AKAP9: variants seen among roughly 807,000 people sequenced by gnomAD.
AKAP9 encodes the protein A-kinase anchor protein 9.
Under a neutral mutation model 488.5 loss-of-function variants are expected in AKAP9, and 311 were observed. That is an observed-to-expected ratio of 0.64 (90% CI 0.58 to 0.70). The LOEUF (loss-of-function observed/expected upper bound fraction) is 0.70, where lower values mean the gene tolerates loss of function less well. AKAP9 is among the 30% of genes least tolerant of loss of function. AKAP9 has a pLI of 0.00. For missense variants in AKAP9, 4,215 were observed against 4,374.5 expected (o/e 0.96, Z 1.03); for synonymous variants, 1,462 against 1,483.5 (o/e 0.99, Z 0.33).
intron 14 of AKAP9, among the ~76,000 whole-genome samples, chr7:92,025,610 C>G (rs1405283345): frequency 6.6e-6 from 1 of 152,110 alleles, no homozygotes; most frequent in African/African-American, 2.4e-5. Flanking sequence ...TACTAGAAAC[C>G]TCTAAGAGAA....
rs1318416079 is a variant in AKAP9, at chr7:92,098,091, T to C, written c.10608-18T>C. ...CAATTGAGAAGGTATGTTTTGACTT[T>C]TTGTCTTTTTCTTGAAGACTACAGT... On this transcript the variant is annotated intron_variant, in intron 42 of 49. Coordinates refer to ENST00000356239, the MANE Select transcript of AKAP9 (RefSeq NM_005751.5). The C allele has an allele frequency of 6.5e-7, 1 of 1,547,762 alleles. No individual in the cohort carries two copies. Among genetic ancestry groups the C allele is most frequent in the Admixed American group, 1.7e-5 (1 of 59,872 alleles).
intron 3 of AKAP9, among the ~76,000 whole-genome samples, chr7:91,989,114 T>C (rs1797461407): frequency 1.4e-5 from 2 of 145,234 alleles, no homozygotes; most frequent in South Asian, 4.5e-4. Context: ...ACTACATTTA[T>C]ATGAAATGAG....
chr7:92,062,285 G>GATAAGA lies in AKAP9; in HGVS notation c.5776_5777insATAAGA (p.Gly1926delinsAspLysSer), dbSNP rs765583993. 2 of 1,612,066 alleles carry GATAAGA rather than the reference G, an allele frequency of 1.2e-6. No individual in the cohort carries two copies. Among genetic ancestry groups the GATAAGA allele is most frequent in the African/African-American group, 2.7e-5 (2 of 74,830 alleles). ...ATTTTGTATTATAGGCGTCATTGAT[G>GATAAGA]GCTATGCAGATGAAAAAACTCTTTT... On this transcript the variant is annotated protein_altering_variant, in exon 24 of 50. Coordinates refer to ENST00000356239, the MANE Select transcript of AKAP9 (RefSeq NM_005751.5).
In AKAP9 at chr7:92,001,825, G is replaced by A; in HGVS notation, c.1908G>A (p.Glu636=). The A allele has an allele frequency of 6.2e-7, 1 of 1,613,438 alleles. No homozygotes were observed. Among genetic ancestry groups the A allele is most frequent in the East Asian group, 2.2e-5 (1 of 44,822 alleles). Residue 636 remains glutamate (E), a synonymous_variant, in exon 8 of 50, where the codon GAG becomes GAA. Coordinates refer to ENST00000356239, the MANE Select transcript of AKAP9 (RefSeq NM_005751.5). ...RTQLLFSHEE[E]LSKLKEDLEI... is the part of the protein sequence containing the mutation. Reference sequence around the variant, plus strand: ...AGCTTCTATTTAGTCACGAAGAAGAGCTTTCCAAACTGAAGGAAGATTTAG... The same window carrying A: ...AGCTTCTATTTAGTCACGAAGAAGAACTTTCCAAACTGAAGGAAGATTTAG...
chr7:91,945,078 T>A (rs1424955323), intron 1 of AKAP9, among the ~76,000 whole-genome samples: 2 of 152,104 alleles, frequency 1.3e-5, no homozygotes, highest in Non-Finnish European at 2.9e-5. Flanking sequence ...AACAAAGACC[T>A]TAGGCGGGGT....
chr7:91,986,540 A>G (rs2130614289), intron 3 of AKAP9, among the ~76,000 whole-genome samples: 2 of 152,322 alleles, frequency 1.3e-5, no homozygotes, highest in South Asian at 4.1e-4. Flanking sequence ...ACGGATCCTC[A>G]CAAATTTTAA....
chr7:91,969,729 G>A (rs547146832), intron 1 of AKAP9, among the ~76,000 whole-genome samples: 15 of 152,210 alleles, frequency 9.9e-5, no homozygotes, highest in African/African-American at 3.6e-4. Context: ...AGCTACTCCT[G>A]TTCTTTTTTG....
At chr7:91,983,968 C>A (rs990395517) in intron 3 of AKAP9, among the ~76,000 whole-genome samples, 1 of 152,112 alleles carries the variant, frequency 6.6e-6, no homozygotes, top group Non-Finnish European at 1.5e-5. Context: ...ATCATTTGCT[C>A]ACTTTTTGTT....
At chr7:92,064,181 A>T (rs1414534717) in intron 24 of AKAP9, among the ~76,000 whole-genome samples, 4 of 152,164 alleles carry the variant, frequency 2.6e-5, no homozygotes, top group Non-Finnish European at 4.4e-5. Flanking sequence ...ATGTAAGATG[A>T]TGGTAGCAAA....
intron 16 of AKAP9, among the ~76,000 whole-genome samples, chr7:92,036,535 A>G (rs1320187112): frequency 6.6e-6 from 1 of 152,094 alleles, no homozygotes; most frequent in East Asian, 1.9e-4. Flanking sequence ...ATCTTCTGTA[A>G]ATATTCTCAG....
rs1815164504 is a variant in AKAP9, at chr7:92,089,481, A to G, written c.9310A>G (p.Arg3104Gly). The change falls in exon 38 of 50, where the codon AGG becomes GGG. Residue 3104 changes from arginine to glycine, a missense_variant. By Grantham distance (125) the Arg-to-Gly change is moderately radical (BLOSUM62 -2). Coordinates refer to ENST00000356239, the MANE Select transcript of AKAP9 (RefSeq NM_005751.5). ...GGCACTGCATGCACAAATGAATGGTAGGAAAATTACTCTGAAAAGAGAACA... is the reference window on the plus strand; with the variant it reads ...GGCACTGCATGCACAAATGAATGGTGGGAAAATTACTCTGAAAAGAGAACA... The part of the protein sequence containing the change: ...IQALHAQMNG[R>G]KITLKREQES... 6.2e-7 allele frequency: 1 copy of G among 1,613,532 alleles called. No individual in the cohort carries two copies. The highest frequency in any genetic ancestry group is 1.7e-5 in the Admixed American group (1 of 60,020).
intron 21 of AKAP9, among the ~76,000 whole-genome samples, chr7:92,046,410 T>C (rs1405993272): frequency 6.6e-6 from 1 of 152,170 alleles, no homozygotes; most frequent in African/African-American, 2.4e-5. Context: ...TGTGGAGAAA[T>C]GAAAAGAAAT....
intron 39 of AKAP9, among the ~76,000 whole-genome samples, chr7:92,094,230 A>G (rs1816136399): frequency 6.6e-6 from 1 of 152,138 alleles, no homozygotes; most frequent in Non-Finnish European, 1.5e-5. Flanking sequence ...TAATTGTACT[A>G]CTAGAAACAG....
At chr7:91,998,276 C>T (rs903272480) in intron 7 of AKAP9, among the ~76,000 whole-genome samples, 1 of 151,798 alleles carries the variant, frequency 6.6e-6, no homozygotes, top group Non-Finnish European at 1.5e-5. Flanking sequence ...GGTTGGGGAC[C>T]CCTTCCCTAC....
In AKAP9 at chr7:92,083,470, A is replaced by T; in HGVS notation, c.8461A>T (p.Ile2821Phe). 6.2e-7 allele frequency: 1 copy of T among 1,613,538 alleles called. No homozygotes were observed. Among genetic ancestry groups the T allele is most frequent in the South Asian group, 1.1e-5 (1 of 90,972 alleles). Residue 2821 changes from isoleucine (I) to phenylalanine (F), a missense_variant, in exon 33 of 50, where the codon ATC becomes TTC. Physicochemically the swap from Ile to Phe is conservative, Grantham distance 21 (BLOSUM62 0). Coordinates refer to ENST00000356239, the MANE Select transcript of AKAP9 (RefSeq NM_005751.5). ...ECSSEEVTEIISQFTEKIEKM... is the reference protein window; with the variant it reads ...ECSSEEVTEIFSQFTEKIEKM... ...TTCCTCAGAAGAAGTTACTGAAATA[A>T]TCAGTCAGTTTACTGAAAAAATTGA...
intron 1 of AKAP9, among the ~76,000 whole-genome samples, chr7:91,948,117 A>C (rs1791697464): frequency 6.6e-6 from 1 of 152,224 alleles, no homozygotes; most frequent in Non-Finnish European, 1.5e-5. Flanking sequence ...TGCATATATC[A>C]GTACTTCATT....
intron 27 of AKAP9, 51 bp from the exon 28 acceptor site, chr7:92,070,848 ACTGGAT>A: frequency 1.5e-6 from 2 of 1,310,286 alleles, no homozygotes; most frequent in Non-Finnish European, 1.1e-6. Context: ...ACAAAAAAAA[ACTGGAT>A]AATCAGGATT....
intron 2 of AKAP9, among the ~76,000 whole-genome samples, chr7:91,974,404 T>C (rs1303445342): frequency 6.6e-6 from 1 of 152,254 alleles, no homozygotes; most frequent in Non-Finnish European, 1.5e-5. Flanking sequence ...CCCAATGAAC[T>C]GTCAATGAAT....
chr7:92,050,922 AC>A (rs915637468), intron 21 of AKAP9, among the ~76,000 whole-genome samples: 75 of 152,280 alleles, frequency 4.9e-4, no homozygotes, highest in African/African-American at 1.8e-3. Flanking sequence ...GAGTCATCTT[AC>A]GCATATCTTC....
Sources: gnomAD v4.1 joint callset for allele counts (sites outside exome capture counted in the v4.1 genomes callset) on GRCh38, gnomAD v4.1.1 for gene constraint, MANE v1.5 for transcripts, NCBI Gene and HGNC (gene_info 2026-07-23, HGNC 2026-07-21) for gene names.